Variants in ZNF723 observed in about 807,000 individuals in gnomAD.
ZNF723 encodes the protein zinc finger protein 723, also known as zinc finger protein 723, pseudogene.
A neutral mutation model predicts 9.4 loss-of-function variants in ZNF723; 5 were observed. The observed-to-expected ratio is 0.53, with a 90% confidence interval of 0.28 to 1.12. ZNF723 has a LOEUF of 1.12. ZNF723 is among the 50% of genes most tolerant of loss of function. The pLI is 0.10. For missense variants in ZNF723, 450 were observed against 501.5 expected (o/e 0.90, Z 0.98); for synonymous variants, 158 against 168.8 (o/e 0.94, Z 0.49).
At chr19:22,817,877 C>A in the ZNF723 span, among the ~76,000 whole-genome samples, 1 of 152,098 alleles carries the variant, frequency 6.6e-6, no homozygotes, top group Non-Finnish European at 1.5e-5. Context: ...CATCACAGGG[C>A]CCAGCACACA....
At chr19:22,814,152 C>T in the ZNF723 span, among the ~76,000 whole-genome samples, 2 of 152,136 alleles carry the variant, frequency 1.3e-5, no homozygotes, top group Admixed American at 1.3e-4. Context: ...AAGATGAAGG[C>T]TCTTGTATCT....
intron 1 of ZNF723, 35 bp downstream of exon 1, chr19:22,832,417 G>A (rs1599469416): frequency 1.5e-6 from 2 of 1,364,642 alleles, no homozygotes; most frequent in Non-Finnish European, 2.1e-6. Flanking sequence ...CGAGAGAGGG[G>A]AAGGGCTGGT....
chr19:22,836,277 G>A (rs983745081), intron 1 of ZNF723, among the ~76,000 whole-genome samples: 2 of 152,144 alleles, frequency 1.3e-5, no homozygotes, highest in Non-Finnish European at 2.9e-5. Context: ...ACGCAGTTAA[G>A]GTTAAGATGG....
chr19:22,835,617 A>T (rs1003984484), intron 1 of ZNF723, among the ~76,000 whole-genome samples: 10 of 152,266 alleles, frequency 6.6e-5, no homozygotes, highest in Non-Finnish European at 8.8e-5. Flanking sequence ...TCCAAGGCTT[A>T]GATTTTGTAA....
upstream of ZNF723, among the ~76,000 whole-genome samples, chr19:22,829,597 T>C (rs367568703): frequency 1.3e-5 from 2 of 152,204 alleles, no homozygotes; most frequent in East Asian, 3.9e-4. Flanking sequence ...TAAGTACATT[T>C]TTGATGACAA....
At chr19:22,829,245 C>G (rs949869133), upstream of ZNF723, among the ~76,000 whole-genome samples, 1 of 147,988 alleles carries the variant, frequency 6.8e-6, no homozygotes, top group Non-Finnish European at 1.5e-5. Context: ...AAAAAAAACA[C>G]AGTTCTGCTA....
At chr19:22,837,665 CT>C (rs1967184065) in intron 1 of ZNF723, among the ~76,000 whole-genome samples, 1 of 152,110 alleles carries the variant, frequency 6.6e-6, no homozygotes, top group Non-Finnish European at 1.5e-5. Context: ...AAAAGGAGTT[CT>C]GATGACAGAC....
At chr19:22,840,201 T>C (rs1299954277) in intron 1 of ZNF723, among the ~76,000 whole-genome samples, 1 of 152,014 alleles carries the variant, frequency 6.6e-6, no homozygotes, top group Non-Finnish European at 1.5e-5. Flanking sequence ...GAGACGGAGT[T>C]TCGCTCATTG....
chr19:22,812,295 C>A, the ZNF723 span, among the ~76,000 whole-genome samples: 3 of 152,168 alleles, frequency 2.0e-5, no homozygotes, highest in African/African-American at 7.2e-5. Flanking sequence ...TGTGTGCACA[C>A]CCTGTCATCC....
chr19:22,842,823 C>T (rs976187750), intron 1 of ZNF723, among the ~76,000 whole-genome samples: 2 of 152,046 alleles, frequency 1.3e-5, no homozygotes, highest in African/African-American at 4.8e-5. Flanking sequence ...AAGATAAGGC[C>T]AGACTTTGAA....
upstream of ZNF723, among the ~76,000 whole-genome samples, chr19:22,828,213 CAT>C (rs1967057815): frequency 6.6e-6 from 1 of 152,178 alleles, no homozygotes; most frequent in Non-Finnish European, 1.5e-5. Flanking sequence ...AACTCAAAGA[CAT>C]ATGTGACTAT....
chr19:22,855,245 T>G (rs1568409052), intron 3 of ZNF723, among the ~76,000 whole-genome samples: 1 of 151,022 alleles, frequency 6.6e-6, no homozygotes, highest in Admixed American at 6.6e-5. Flanking sequence ...TTTTTTTTTT[T>G]TGAGATGGAG....
In ZNF723 at chr19:22,848,248, G is replaced by T. The variant is rs1210196930; in HGVS notation, c.4-13G>T. ...TAAATATGTGTGTATGTGTGTGTGT[G>T]TTTTTTTTTCAGGGACCATTGACAT... On this transcript the variant is annotated splice_polypyrimidine_tract_variant and intron_variant, in intron 1 of 3. Transcript: ENST00000600766. 29 of 930,216 alleles carry T rather than the reference G, an allele frequency of 3.1e-5. No homozygotes were observed. The highest frequency in any genetic ancestry group is 1.7e-4 in the African/African-American group (10 of 58,008). 57.6% of individuals were successfully genotyped at this position (930,216 alleles called of 1,614,324 possible).
At chr19:22,853,541 G>A (rs961376016) in intron 3 of ZNF723, among the ~76,000 whole-genome samples, 2 of 151,632 alleles carry the variant, frequency 1.3e-5, no homozygotes, top group African/African-American at 4.8e-5. Context: ...TTCCATTTTG[G>A]TCATACAAAG....
At chr19:22,814,815 C>T in the ZNF723 span, among the ~76,000 whole-genome samples, 7 of 152,194 alleles carry the variant, frequency 4.6e-5, no homozygotes, top group South Asian at 6.2e-4. Context: ...ACCTAGGTGA[C>T]GTGAGCCTAT....
chr19:22,824,718 G>A, the ZNF723 span, among the ~76,000 whole-genome samples: 6 of 109,194 alleles, frequency 5.5e-5, no homozygotes, highest in Non-Finnish European at 1.3e-4. Flanking sequence ...CCACACACAT[G>A]TTTTTAGCCT....
chr19:22,835,069 GTT>G (rs57260930), intron 1 of ZNF723, among the ~76,000 whole-genome samples: 43 of 139,646 alleles, frequency 3.1e-4, no homozygotes, highest in Middle Eastern at 3.7e-3. Context: ...TTTGTTGGTT[GTT>G]TTTTTTTTTT....
At position 22,858,140 on chromosome 19, in the gene ZNF723, A is replaced by G. The variant is rs1967509650; in HGVS notation, c.1249A>G (p.Ile417Val). 3.5e-6 allele frequency: 5 copies of G among 1,434,024 alleles called. No individual in the cohort carries two copies. Among genetic ancestry groups the G allele is most frequent in the South Asian group, 2.3e-5 (2 of 87,254 alleles). The allele number at this position is 1,434,024 out of a possible 1,614,324, so 88.8% of individuals were successfully genotyped here. A position where few individuals can be genotyped will look rare whatever the true frequency, so the allele number is the denominator to read the frequency against. Residue 417 changes from isoleucine (I) to valine (V), a missense_variant, in exon 4 of 4, where the codon ATA becomes GTA. Ile to Val is a conservative substitution (Grantham distance 29). Around this residue, in one of 5 missense-constraint regions of ZNF723, gnomAD observed 237 missense variants for 332.2 expected, o/e 0.71. Transcript: ENST00000600766. ...NQSSALTTHK[I>V]IHTGERPYKC... ...ATCCTCAGCCCTTACTACACATAAG[A>G]TAATTCATACTGGAGAAAGACCTTA... is the stretch of plus-strand genomic sequence containing the variant.
the ZNF723 span, among the ~76,000 whole-genome samples, chr19:22,820,286 G>T: frequency 1.3e-5 from 2 of 152,110 alleles, no homozygotes; most frequent in Non-Finnish European, 2.9e-5. Flanking sequence ...AAACCAGGTG[G>T]TGTGTCTCTC....
Sources: allele counts gnomAD v4.1 joint callset (sites outside exome capture counted in the v4.1 genomes callset), GRCh38; gene constraint gnomAD v4.1.1; regional missense constraint gnomAD v4.1.1; transcripts MANE v1.5; gene names NCBI Gene and HGNC (gene_info 2026-07-23, HGNC 2026-07-21).